WDR3: variants seen among roughly 807,000 people sequenced by gnomAD.
WDR3 encodes the protein WD repeat domain 3.
A neutral mutation model predicts 123.7 loss-of-function variants in WDR3; 81 were observed. The observed-to-expected ratio is 0.65, with a 90% CI of 0.55 to 0.79. The LOEUF (loss-of-function observed/expected upper bound fraction) is 0.79, where lower values mean the gene tolerates loss of function less well. Ranked by LOEUF, WDR3 falls within the 30% of genes least tolerant of loss-of-function variation. The pLI, the probability that WDR3 is intolerant of heterozygous loss-of-function variation, is 0.00. For synonymous variants in WDR3, 390 were observed against 388.8 expected, an observed-to-expected ratio of 1.00 and a Z score of -0.04; for missense variants, 1,027 against 1,123.2, an observed-to-expected ratio of 0.91 and a Z score of 1.22.
chr1:117,936,099 T>C (rs1249246462), intron 3 of WDR3, among the ~76,000 whole-genome samples: 4 of 152,010 alleles, frequency 2.6e-5, no homozygotes. Context: ...ACTTATGATA[T>C]TTGTAGTAGT....
chr1:117,952,485 G>T (rs1270029776), intron 18 of WDR3, 43 bp from the exon 19 acceptor site: 1 of 1,598,792 alleles, frequency 6.3e-7, no homozygotes, highest in Non-Finnish European at 8.5e-7. Context: ...ACTAAGTAGT[G>T]GTCAATGAAT....
intron 3 of WDR3, among the ~76,000 whole-genome samples, chr1:117,935,950 T>C (rs1249917273): frequency 6.6e-6 from 1 of 151,962 alleles, no homozygotes; most frequent in Admixed American, 6.6e-5. Context: ...CTAAGAATGA[T>C]AGACAAAAGA....
In WDR3 at chr1:117,943,458, A is replaced by G. The variant is rs1557819881; in HGVS notation, c.1160A>G (p.Asn387Ser). ...ELKAVFLLQN[N>S]LVELYSLNPS... Reference sequence around the variant, plus strand: ...AAGGCTGTCTTCCTGCTGCAGAACAACCTGGTGGAATTGTATTCACTGAAT... The same window carrying G: ...AAGGCTGTCTTCCTGCTGCAGAACAGCCTGGTGGAATTGTATTCACTGAAT... Residue 387 changes from asparagine to serine, a missense_variant, in exon 11 of 27, where the codon AAC becomes AGC. Physicochemically the swap from Asn to Ser is conservative, Grantham distance 46 (BLOSUM62 1). Coordinates refer to ENST00000349139, the MANE Select transcript of WDR3 (RefSeq NM_006784.3). 1.2e-5 allele frequency: 20 copies of G among 1,614,030 alleles called. No homozygotes were observed. The highest frequency in any genetic ancestry group is 1.6e-5 in the Non-Finnish European group (19 of 1,180,008).
At chr1:117,947,578 G>A (rs944392161) in intron 12 of WDR3, among the ~76,000 whole-genome samples, 1 of 152,076 alleles carries the variant, frequency 6.6e-6, no homozygotes, top group Non-Finnish European at 1.5e-5. Context: ...TGCAATTGTC[G>A]GCTTACTGGC....
chr1:117,950,787 AC>A, intron 15 of WDR3, 46 bp from the exon 16 acceptor site: 1 of 1,427,304 alleles, frequency 7.0e-7, no homozygotes. Flanking sequence ...AATAAATTAT[AC>A]CCATATTTTA....
In WDR3 at chr1:117,954,499, ATACAGT is replaced by A. The variant is rs2101240753; in HGVS notation, c.2362-77_2362-72del. The A allele has an allele frequency of 4.4e-6, 6 of 1,367,310 alleles. No homozygotes were observed. In the East Asian group the frequency reaches 1.4e-4, roughly 32 times the overall value. The allele number at this position is 1,367,310 out of a possible 1,614,324, so 84.7% of individuals were successfully genotyped here. A position where few individuals can be genotyped will look rare whatever the true frequency, so the allele number is the denominator to read the frequency against. The stretch of plus-strand genomic sequence containing the variant: ...TTTTTTCCCTTTTCAAAATTATAAA[ATACAGT>A]TACCACTCTGTCTATAACAAGTGCT... On this transcript the variant is annotated intron_variant, in intron 22 of 26. Coordinates refer to ENST00000349139, the MANE Select transcript of WDR3 (RefSeq NM_006784.3).
chr1:117,947,376 A>G (rs184852378), intron 12 of WDR3, among the ~76,000 whole-genome samples: 439 of 152,316 alleles, frequency 2.9e-3, no homozygotes, highest in Non-Finnish European at 3.4e-3. Flanking sequence ...TACAAAATGT[A>G]TGGATCACAA....
At chr1:117,947,879 C>T (rs1463898066) in intron 12 of WDR3, among the ~76,000 whole-genome samples, 1 of 152,062 alleles carries the variant, frequency 6.6e-6, no homozygotes, top group African/African-American at 2.4e-5. Context: ...GCTTTCTATG[C>T]CATTATGATT....
At chr1:117,945,475 C>A (rs780170393) in intron 11 of WDR3, among the ~76,000 whole-genome samples, 38 of 152,120 alleles carry the variant, frequency 2.5e-4, no homozygotes, top group Non-Finnish European at 4.7e-4. Flanking sequence ...TCATTCTTAC[C>A]CTACTCCTTG....
At chr1:117,953,132 CTG>C in intron 20 of WDR3, 136 bp downstream of exon 20, 1 of 1,051,170 alleles carries the variant, frequency 9.5e-7, no homozygotes, top group East Asian at 2.6e-5. Context: ...GATAAAGAAT[CTG>C]TGTAATTCTT....
At chr1:117,949,960 C>CA in intron 14 of WDR3, 35 bp from the exon 15 acceptor site, 1 of 1,613,092 alleles carries the variant, frequency 6.2e-7, no homozygotes, top group East Asian at 2.2e-5. Context: ...TTTGTATACT[C>CA]ATTTATTTTT....
intron 1 of WDR3, among the ~76,000 whole-genome samples, chr1:117,932,711 T>C (rs1039035741): frequency 6.6e-6 from 1 of 152,176 alleles, no homozygotes; most frequent in Non-Finnish European, 1.5e-5. Flanking sequence ...TTTAGCTGCA[T>C]TGAGCCTATA....
chr1:117,957,780 C>A (rs1295929214), intron 25 of WDR3, among the ~76,000 whole-genome samples: 1 of 152,122 alleles, frequency 6.6e-6, no homozygotes, highest in Non-Finnish European at 1.5e-5. Context: ...CCCAGGGGAG[C>A]CAAAAGGATG....
In WDR3 at chr1:117,961,948, C is replaced by G. The variant is rs192704181; in HGVS notation, c.*2501C>G. The stretch of plus-strand genomic sequence containing the variant: ...TTTTTTATGAGAACAGAAGTTGATT[C>G]AATATCCTTCTTAGAGTTGCTCATC... On this transcript the variant is annotated 3_prime_UTR_variant, in exon 27 of 27. Coordinates refer to ENST00000349139, the MANE Select transcript of WDR3 (RefSeq NM_006784.3). 2.6e-4 allele frequency: 39 copies of G among 151,944 alleles called. No homozygotes were observed. Among genetic ancestry groups the G allele is most frequent in the Admixed American group, 1.6e-3 (25 of 15,228 alleles). 9.4% of individuals were successfully genotyped at this position (151,944 alleles called of 1,614,324 possible). A position where few individuals can be genotyped will look rare whatever the true frequency, so the allele number is the denominator to read the frequency against.
chr1:117,939,272 A>G (rs543326807), intron 5 of WDR3, among the ~76,000 whole-genome samples: 1 of 152,336 alleles, frequency 6.6e-6, no homozygotes, highest in Admixed American at 6.5e-5. Flanking sequence ...GTATCACAAA[A>G]GTAACAATTT....
intron 1 of WDR3, among the ~76,000 whole-genome samples, chr1:117,932,748 G>T (rs563615619): frequency 5.0e-4 from 76 of 152,302 alleles, no homozygotes; most frequent in African/African-American, 1.7e-3. Flanking sequence ...AGGTGGGCAT[G>T]ACAACGTGAC....
chr1:117,957,167 T>C lies in WDR3; in HGVS notation c.2553T>C (p.Leu851=). 6.2e-7 allele frequency: 1 copy of C among 1,612,338 alleles called. No individual in the cohort carries two copies. The highest frequency in any genetic ancestry group is 1.1e-5 in the South Asian group (1 of 90,570). ...EFIQLGSDVE[L]ICRCLFFLLR... ...TTCAGCTGGGCTCTGATGTTGAACTTATATGCCGGTGCCTCTTCTTCCTCC... is the reference window on the plus strand; with the variant it reads ...TTCAGCTGGGCTCTGATGTTGAACTCATATGCCGGTGCCTCTTCTTCCTCC... Residue 851 remains leucine, a synonymous_variant, in exon 25 of 27, where the codon CTT becomes CTC. Coordinates refer to ENST00000349139, the MANE Select transcript of WDR3 (RefSeq NM_006784.3).
Position 117,952,039 on chromosome 1 carries a change from G to T in WDR3, c.1867G>T (p.Gly623Trp), listed in dbSNP as rs757594116. 1 of 1,613,440 alleles carries T rather than the reference G, an allele frequency of 6.2e-7. No individual in the cohort carries two copies. The highest frequency in any genetic ancestry group is 8.5e-7 in the Non-Finnish European group (1 of 1,179,454). The change falls in exon 17 of 27, where the codon GGG becomes TGG. Residue 623 changes from glycine (G) to tryptophan (W), a missense_variant. Coordinates refer to ENST00000349139, the MANE Select transcript of WDR3 (RefSeq NM_006784.3). ...RNVKIWGLDFGDCHKSLFAHD... is the reference protein window; with the variant it reads ...RNVKIWGLDFWDCHKSLFAHD... ...TGTGAAAATCTGGGGTTTGGACTTT[G>T]GGGACTGCCACAAGTCTCTCTTTGC...
At chr1:117,937,016 T>C in intron 4 of WDR3, 129 bp downstream of exon 4, 1 of 652,396 alleles carries the variant, frequency 1.5e-6, no homozygotes, top group Non-Finnish European at 2.6e-6. Flanking sequence ...TTCTCCTGCA[T>C]TCCTTCTTTC....
Sources: gnomAD v4.1 joint callset for allele counts (sites outside exome capture counted in the v4.1 genomes callset) on GRCh38, gnomAD v4.1.1 for gene constraint, MANE v1.5 for transcripts, NCBI Gene and HGNC (gene_info 2026-07-23, HGNC 2026-07-21) for gene names.